The following SLC4A5 variants were observed in gnomAD, a reference collection of about 807,000 sequenced individuals.
SLC4A5 encodes the protein electrogenic sodium bicarbonate cotransporter 4.
In SLC4A5, 96 loss-of-function variants were observed where a neutral mutation model predicts 120.4. The observed-to-expected ratio is 0.80, with a 90% CI of 0.68 to 0.94. The LOEUF is 0.94. Among genes scored for constraint, SLC4A5 ranks in the 40% least tolerant of loss-of-function variants. The probability of loss-of-function intolerance (pLI) is 0.00; values close to 1 mark genes in which losing one functional copy is unlikely to be tolerated. For synonymous variants in SLC4A5, 550 were observed against 571.1 expected, an observed-to-expected ratio of 0.96 and a Z score of 0.53; for missense variants, 1,259 against 1,459.5, an observed-to-expected ratio of 0.86 and a Z score of 2.24.
intron 23 of SLC4A5, 92 bp from the exon 24 acceptor site, chr2:74,232,739 C>T (rs939125251): frequency 4.7e-6 from 7 of 1,489,276 alleles, no homozygotes; most frequent in Non-Finnish European, 6.3e-6. Context: ...CAAGGACCCC[C>T]TGCCTTCCAG....
chr2:74,304,948 G>A (rs545626828), intron 6 of SLC4A5, among the ~76,000 whole-genome samples: 6 of 152,140 alleles, frequency 3.9e-5, no homozygotes, highest in Admixed American at 6.5e-5. Flanking sequence ...TTGCTTGTCC[G>A]GAACAGTGAT....
rs754072421 is a variant in SLC4A5, at chr2:74,233,525, A to C, written c.2472T>G (p.Phe824Leu). The C allele has an allele frequency of 2.5e-6, 4 of 1,613,996 alleles. No homozygotes were observed. The highest frequency in any genetic ancestry group is 1.7e-4 in the Middle Eastern group (1 of 6,024). ...GGTATACCCACCACGGGTTCTTCCC[A>C]AAGGGGGCCACGAACCAGCCTCGGT... The change falls in exon 23 of 31, where the codon TTT becomes TTG. Residue 824 changes from phenylalanine to leucine, a missense_variant. Transcript: ENST00000394019.
chr2:74,279,126 T>C (rs113657627), intron 8 of SLC4A5, among the ~76,000 whole-genome samples: 7 of 152,376 alleles, frequency 4.6e-5, no homozygotes, highest in African/African-American at 1.7e-4. Context: ...CAGACTTCGC[T>C]GACCCTCAAA....
rs779641408 is a variant in SLC4A5 at position 74,239,351 on chromosome 2, C to T, written c.2303G>A (p.Arg768His). 130 of 1,613,976 alleles carry T rather than the reference C, an allele frequency of 8.1e-5. 2 individuals carry two copies. Among genetic ancestry groups the T allele is most frequent in the Non-Finnish European group, 9.5e-5 (112 of 1,180,010 alleles). The change falls in exon 21 of 31, where the codon CGC becomes CAC. Residue 768 changes from arginine (R) to histidine (H), a missense_variant. Arg to His is a conservative substitution (Grantham distance 29, BLOSUM62 0). Transcript: ENST00000394019. ...TGAGCTTACCTTGGTAGGAAAATAGCGGCTGAATTTGAACTTCTTCAGGGT... is the reference window on the plus strand; with the variant it reads ...TGAGCTTACCTTGGTAGGAAAATAGTGGCTGAATTTGAACTTCTTCAGGGT...
intron 3 of SLC4A5, among the ~76,000 whole-genome samples, chr2:74,338,242 T>C (rs1479615870): frequency 6.6e-6 from 1 of 152,192 alleles, no homozygotes; most frequent in African/African-American, 2.4e-5. Flanking sequence ...GGACAGGAAC[T>C]GGGCACTGGG....
chr2:74,341,438 C>T (rs571857207), intron 2 of SLC4A5, among the ~76,000 whole-genome samples: 6 of 152,156 alleles, frequency 3.9e-5, no homozygotes, highest in African/African-American at 1.4e-4. Flanking sequence ...TTAATTAACA[C>T]GCATCTGTTA....
At chr2:74,340,261 G>A (rs559742287) in intron 2 of SLC4A5, among the ~76,000 whole-genome samples, 4 of 152,102 alleles carry the variant, frequency 2.6e-5, no homozygotes, top group Non-Finnish European at 5.9e-5. Context: ...ACTTTGATTG[G>A]AGCTATGTTA....
intron 12 of SLC4A5, among the ~76,000 whole-genome samples, chr2:74,256,875 A>G (rs10182283): frequency 0.015 from 2,354 of 152,256 alleles, 35 homozygotes; most frequent in African/African-American, 0.033. Context: ...TAGCGGCAGG[A>G]CTGGGTGCAG....
chr2:74,251,263 GT>G (rs1400284656), intron 16 of SLC4A5, among the ~76,000 whole-genome samples: 2 of 151,980 alleles, frequency 1.3e-5, no homozygotes, highest in Non-Finnish European at 2.9e-5. Context: ...GGGCTCGGGG[GT>G]AGGGGGACTA....
intron 4 of SLC4A5, among the ~76,000 whole-genome samples, chr2:74,333,611 G>A (rs1407680950): frequency 6.6e-6 from 1 of 152,190 alleles, no homozygotes; most frequent in East Asian, 1.9e-4. Flanking sequence ...GGATTGCATA[G>A]GTCACATTTT....
exon 18 of SLC4A5, chr2:74,248,417 G>A (rs1369486447): frequency 6.2e-7 from 1 of 1,614,172 alleles, no homozygotes; most frequent in South Asian, 1.1e-5. Flanking sequence ...AGAATGATGA[G>A]AGGCTGTCCC....
At chr2:74,304,545 C>T (rs928360562) in exon 7 of SLC4A5, 3 of 1,614,130 alleles carry the variant, frequency 1.9e-6, no homozygotes, top group East Asian at 2.2e-5. Context: ...ACTCCCTGGG[C>T]CAGTCAGTTC....
intron 8 of SLC4A5, among the ~76,000 whole-genome samples, chr2:74,277,135 G>A (rs1671669653): frequency 6.6e-6 from 1 of 152,152 alleles, no homozygotes; most frequent in Non-Finnish European, 1.5e-5. Context: ...ACCTCCTGAC[G>A]ATGACAGTGG....
chr2:74,231,837 G>A (rs1670098361), intron 24 of SLC4A5, among the ~76,000 whole-genome samples: 5 of 152,232 alleles, frequency 3.3e-5, no homozygotes, highest in Admixed American at 2.0e-4. Flanking sequence ...GGGCAGAGAA[G>A]CCTCATTCGG....
intron 6 of SLC4A5, among the ~76,000 whole-genome samples, chr2:74,305,819 G>A (rs1049815534): frequency 6.8e-6 from 1 of 147,980 alleles, no homozygotes. Context: ...CCCCTTCCCA[G>A]GTTCAAGCAA....
chr2:74,270,179 C>T lies in SLC4A5; in HGVS notation c.402-4915G>A, dbSNP rs150057322. Among the ~76,000 whole-genome samples the T allele has an allele frequency of 5.5e-3, 843 of 152,344 alleles. 9 individuals carry two copies. The highest frequency in any genetic ancestry group is 0.018 in the African/African-American group (736 of 41,570). ...ACTAGGGACACCGCTCTAGTCCCCT[C>T]TATAACTATTTTGGGAATCCAGATG... On this transcript the variant is annotated intron_variant, in intron 8 of 30. Coordinates refer to ENST00000394019, the Ensembl canonical transcript of SLC4A5.
Position 74,227,496 on chromosome 2 carries a change from G to A in SLC4A5, c.2916+314C>T, listed in dbSNP as rs1417484475. ...GCATAGCTGCCTTAGGGAAGAGAGA[G>A]AGGTACAGTGAAATGCTCACTGGAG... On this transcript the variant is annotated intron_variant, in intron 26 of 30. Coordinates refer to ENST00000394019, the Ensembl canonical transcript of SLC4A5. The A allele has an allele frequency of 5.6e-6, 9 of 1,607,530 alleles. No individual in the cohort carries two copies. The South Asian group carries it at 9.9e-5, about 18-fold the overall frequency.
chr2:74,229,505 C>T (rs1484108869), intron 25 of SLC4A5, among the ~76,000 whole-genome samples: 1 of 152,080 alleles, frequency 6.6e-6, no homozygotes, highest in African/African-American at 2.4e-5. Flanking sequence ...ATCCACCTGC[C>T]TCGGCCTCCC....
intron 7 of SLC4A5, among the ~76,000 whole-genome samples, 191 bp from the exon 8 acceptor site, chr2:74,286,093 A>G (rs981786162): frequency 6.6e-6 from 1 of 152,216 alleles, no homozygotes. Flanking sequence ...ACTCTTTAAG[A>G]TAAAAGAGAT....
Sources: gnomAD v4.1 joint callset for allele counts (sites outside exome capture counted in the v4.1 genomes callset) on GRCh38, gnomAD v4.1.1 for gene constraint, MANE v1.5 for transcripts, NCBI Gene and HGNC (gene_info 2026-07-23, HGNC 2026-07-21) for gene names.